PRKCE: variants seen among roughly 807,000 people sequenced by gnomAD.
The protein encoded by PRKCE is protein kinase C epsilon, also known as protein kinase C epsilon type.
A neutral mutation model predicts 85.4 loss-of-function variants in PRKCE; 16 were observed. The ratio of observed to expected loss-of-function variants is 0.19; its 90% CI spans 0.13 to 0.28. The LOEUF is 0.28. Among genes scored for constraint, PRKCE ranks in the 10% least tolerant of loss-of-function variants. The pLI is 1.00. For missense variants in PRKCE, 573 were observed against 975.2 expected, an observed-to-expected ratio of 0.59 and a Z score of 5.49; for synonymous variants, 388 against 371.5, an observed-to-expected ratio of 1.04 and a Z score of -0.51.
chr2:46,184,707 C>A lies in PRKCE; in HGVS notation c.2068-28C>A, dbSNP rs754333513. On this transcript the variant is annotated intron_variant, in intron 14 of 14. Transcript: ENST00000306156. This position sits in a 1 kb window ranked among gnomAD's most constrained non-coding sequence, Gnocchi z 5.0. ...CCCTCAGGAGGGAGAGCAGCCTCAACTCACCACTTTCTCTTTTCTTCCCAC... is the reference window on the plus strand; with the variant it reads ...CCCTCAGGAGGGAGAGCAGCCTCAAATCACCACTTTCTCTTTTCTTCCCAC... 6.3e-7 allele frequency: 1 copy of A among 1,597,358 alleles called. No homozygotes were observed. The highest frequency in any genetic ancestry group is 1.1e-5 in the South Asian group (1 of 90,620).
intron 1 of PRKCE, among the ~76,000 whole-genome samples, chr2:45,729,250 A>T (rs77683454): frequency 1.8e-4 from 28 of 152,346 alleles, no homozygotes; most frequent in Non-Finnish European, 3.7e-4. Context: ...GACACAGTGC[A>T]GTCTCTGTTT....
intron 2 of PRKCE, among the ~76,000 whole-genome samples, chr2:45,972,890 A>G (rs35423245): frequency 0.38 from 57,709 of 152,078 alleles, 11,084 homozygotes; most frequent in Middle Eastern, 0.51. Context: ...TTTTCAATAA[A>G]GACAGAAAAA....
chr2:45,651,954 C>A lies in PRKCE; in HGVS notation c.-147C>A. 1 of 622,472 alleles carries A rather than the reference C, an allele frequency of 1.6e-6. No homozygotes were observed. Among genetic ancestry groups the A allele is most frequent in the Non-Finnish European group, 2.7e-6 (1 of 365,870 alleles). The allele number at this position is 622,472 out of a possible 1,614,324, so 38.6% of individuals were successfully genotyped here. The stretch of plus-strand genomic sequence containing the variant: ...TGGCTGAGAATCGCCCGCGCCAGGG[C>A]GCAACGCCACAAGGTGTAGGGAGTG... On this transcript the variant is annotated 5_prime_UTR_variant, in exon 1 of 15. Coordinates refer to ENST00000306156, the MANE Select transcript of PRKCE (RefSeq NM_005400.3).
intron 11 of PRKCE, among the ~76,000 whole-genome samples, chr2:46,126,882 A>G (rs1673917762): frequency 1.3e-5 from 2 of 152,226 alleles, no homozygotes; most frequent in Non-Finnish European, 2.9e-5. Flanking sequence ...AGGAAAGGCT[A>G]CAGACAGCAA....
chr2:46,073,380 A>C (rs1668243551), intron 10 of PRKCE: 1 of 152,158 alleles, frequency 6.6e-6, no homozygotes. Context: ...AAATCCTTCA[A>C]ATATTTTAAG....
intron 2 of PRKCE, among the ~76,000 whole-genome samples, chr2:45,879,770 A>G (rs1694747574): frequency 6.6e-6 from 1 of 152,252 alleles, no homozygotes. Flanking sequence ...TCCTGTTTCA[A>G]TTACGCATAT....
intron 1 of PRKCE, among the ~76,000 whole-genome samples, chr2:45,787,437 A>G (rs933518012): frequency 6.6e-6 from 1 of 152,174 alleles, no homozygotes; most frequent in African/African-American, 2.4e-5. Flanking sequence ...ACCTCTGGGC[A>G]ATGCTGGCCA....
rs560933208 is a variant in PRKCE at position 46,020,681 on chromosome 2, T to C, written c.1437+10164T>C. On this transcript the variant is annotated intron_variant, in intron 10 of 14. Coordinates refer to ENST00000306156, the MANE Select transcript of PRKCE (RefSeq NM_005400.3). ...TGCTGACAGATGTAGAGGCCTGTGA[T>C]AGAATGTAACTGGGATGTCACACTA... 1.1e-3 allele frequency among the ~76,000 whole-genome samples: 163 copies of C among 152,344 alleles called. 2 individuals carry two copies. Among genetic ancestry groups the C allele is most frequent in the Admixed American group, 2.7e-3 (41 of 15,302 alleles).
At position 46,004,362 on chromosome 2, in the gene PRKCE, A is replaced by G; in HGVS notation, c.967-180A>G. 1 of 569,432 alleles carries G rather than the reference A, an allele frequency of 1.8e-6. No homozygotes were observed. Among genetic ancestry groups the G allele is most frequent in the Middle Eastern group, 3.0e-4 (1 of 3,306 alleles). The allele number at this position is 569,432 out of a possible 1,614,324, so 35.3% of individuals were successfully genotyped here. ...GGTTCTTGCTCTGGTCAGACGTCAC[A>G]GAGGGATCGAACTTCATTTTGGCTA... is the stretch of plus-strand genomic sequence containing the variant. On this transcript the variant is annotated intron_variant, in intron 7 of 14. Transcript: ENST00000306156. The surrounding 1 kb of genome is among the most constrained non-coding windows in gnomAD (Gnocchi z 4.1).
intron 1 of PRKCE, among the ~76,000 whole-genome samples, chr2:45,792,364 G>A (rs1443769627): frequency 6.6e-6 from 1 of 152,134 alleles, no homozygotes; most frequent in Non-Finnish European, 1.5e-5. Flanking sequence ...CACCACACTT[G>A]GGATCACATT....
Position 45,774,498 on chromosome 2 carries a change from C to T in PRKCE, c.349-68502C>T, listed in dbSNP as rs1028414506. On this transcript the variant is annotated intron_variant, in intron 1 of 14. Transcript: ENST00000306156. This position sits in a 1 kb window ranked among gnomAD's most constrained non-coding sequence, Gnocchi z 4.3. ...TCTTTTTGATAAATTCTCTTCCCTC[C>T]CTGTCTCTCCTGTCTCCTTTCCATC... Among the ~76,000 whole-genome samples the T allele has an allele frequency of 4.6e-5, 7 of 152,178 alleles. No homozygotes were observed. In the East Asian group the frequency reaches 1.4e-3, roughly 29 times the overall value.
intron 10 of PRKCE, among the ~76,000 whole-genome samples, chr2:46,072,689 A>G (rs1407544838): frequency 1.3e-5 from 2 of 152,198 alleles, no homozygotes; most frequent in African/African-American, 2.4e-5. Flanking sequence ...TAAGCCCAGT[A>G]TGGTGTTAGG....
chr2:46,171,709 C>T (rs1325384535), intron 14 of PRKCE, among the ~76,000 whole-genome samples: 1 of 152,160 alleles, frequency 6.6e-6, no homozygotes, highest in South Asian at 2.1e-4. Context: ...TTACAAGAGC[C>T]GGGTGTTGAA....
intron 2 of PRKCE, among the ~76,000 whole-genome samples, chr2:45,843,847 G>A (rs1691561494): frequency 6.6e-6 from 1 of 152,228 alleles, no homozygotes; most frequent in South Asian, 2.1e-4. Flanking sequence ...CTGTGGGCAG[G>A]GGGACAGAAC....
intron 1 of PRKCE, among the ~76,000 whole-genome samples, chr2:45,665,337 G>A (rs1675860882): frequency 6.6e-6 from 1 of 152,136 alleles, no homozygotes; most frequent in South Asian, 2.1e-4. Flanking sequence ...TTGTGACTTT[G>A]AGAAAATTCA....
chr2:45,951,226 G>T (rs1165154318), intron 2 of PRKCE, among the ~76,000 whole-genome samples: 1 of 152,202 alleles, frequency 6.6e-6, no homozygotes, highest in African/African-American at 2.4e-5. Context: ...GGCTTCACTA[G>T]CTTCCCAGGT....
rs1056229879 is a variant in PRKCE at position 46,101,711 on chromosome 2, G to A, written c.1592+15349G>A. Among the ~76,000 whole-genome samples the A allele has an allele frequency of 1.9e-4, 29 of 152,262 alleles. 1 individual carries two copies. The highest frequency in any genetic ancestry group is 6.3e-4 in the African/African-American group (26 of 41,528). On this transcript the variant is annotated intron_variant, in intron 11 of 14. Transcript: ENST00000306156. ...AGGTGGGAGAAAACTTGGGAGTTTA[G>A]TCCTCCAATTCGCTGTTTTATAGAT...
At chr2:46,157,653 A>G (rs1357589110) in intron 13 of PRKCE, among the ~76,000 whole-genome samples, 2 of 152,224 alleles carry the variant, frequency 1.3e-5, no homozygotes, top group African/African-American at 2.4e-5. Flanking sequence ...GTTCATGAGA[A>G]GAGCATCTTC....
intron 1 of PRKCE, among the ~76,000 whole-genome samples, chr2:45,737,070 C>A (rs1169809311): frequency 6.6e-6 from 1 of 152,164 alleles, no homozygotes; most frequent in Admixed American, 6.5e-5. Context: ...CTGTCAGGCC[C>A]CACACCTGGC....
Sources: allele counts gnomAD v4.1 joint callset (sites outside exome capture counted in the v4.1 genomes callset), GRCh38; gene constraint gnomAD v4.1.1; non-coding constraint Gnocchi (gnomAD v3.1); transcripts MANE v1.5; gene names NCBI Gene and HGNC (gene_info 2026-07-23, HGNC 2026-07-21).